The following PTPRH variants were observed in gnomAD, a reference collection of about 807,000 sequenced individuals.
PTPRH encodes protein tyrosine phosphatase receptor type H.
PTPRH carries 113 observed loss-of-function variants against 130.2 expected under a neutral mutation model. The observed-to-expected ratio is 0.87, with a 90% CI of 0.75 to 1.01. The LOEUF (loss-of-function observed/expected upper bound fraction) is 1.01, where lower values mean the gene tolerates loss of function less well. Ranked by LOEUF, PTPRH falls within the 50% of genes least tolerant of loss-of-function variation. The pLI is 0.00. For missense variants in PTPRH, 1,430 were observed against 1,425.0 expected (o/e 1.00, Z -0.06); for synonymous variants, 556 against 577.9 (o/e 0.96, Z 0.54).
Position 55,203,904 on chromosome 19 carries a change from C to G in PTPRH, c.764G>C (p.Arg255Pro), listed in dbSNP as rs199739996. ...CTGDGGRTETRNTTDTRVTVD... is the reference protein window; with the variant it reads ...CTGDGGRTETPNTTDTRVTVD... ...GGTGACTCTGGTGTCTGTTGTGTTT[C>G]GAGTCTCTGTTCTGCCACCATCTCC... The change falls in exon 5 of 20, where the codon CGA becomes CCA. Residue 255 changes from arginine (R) to proline (P), a missense_variant. Coordinates refer to ENST00000376350, the MANE Select transcript of PTPRH (RefSeq NM_002842.5). 6.2e-7 allele frequency: 1 copy of G among 1,614,158 alleles called. No individual in the cohort carries two copies. Among genetic ancestry groups the G allele is most frequent in the Non-Finnish European group, 8.5e-7 (1 of 1,180,034 alleles).
At position 55,202,428 on chromosome 19, in the gene PTPRH, T is replaced by C. The variant is rs12609389; in HGVS notation, c.887-106A>G. 6,074 of 1,507,168 alleles carry C rather than the reference T, an allele frequency of 4.0e-3. 249 individuals are homozygous for C. The East Asian group carries it at 0.099, about 24-fold the overall frequency. The allele number at this position is 1,507,168 out of a possible 1,614,324, so 93.4% of individuals were successfully genotyped here. A position where few individuals can be genotyped will look rare whatever the true frequency, so the allele number is the denominator to read the frequency against. On this transcript the variant is annotated intron_variant, in intron 5 of 19. Coordinates refer to ENST00000376350, the MANE Select transcript of PTPRH (RefSeq NM_002842.5). ...AGCAGGTGGAGGCAGGGAGGCCCAG[T>C]TCTGCACTGTCCAGTGTGGCAGCCA...
chr19:55,200,551 A>G (rs777341866), intron 6 of PTPRH, 49 bp from the exon 7 acceptor site: 2 of 1,588,978 alleles, frequency 1.3e-6, no homozygotes, highest in Non-Finnish European at 1.7e-6. Flanking sequence ...ACAGAACAGA[A>G]CGGGGCAGGA....
intron 7 of PTPRH, among the ~76,000 whole-genome samples, chr19:55,199,495 C>T (rs934191405): frequency 6.6e-6 from 1 of 152,098 alleles, no homozygotes; most frequent in Non-Finnish European, 1.5e-5. Context: ...GTCACAGCTA[C>T]TTGGAAGGCA....
At position 55,191,639 on chromosome 19, in the gene PTPRH, G is replaced by A. The variant is rs201392788; in HGVS notation, c.2336+24C>T. 174 of 1,612,602 alleles carry A rather than the reference G, an allele frequency of 1.1e-4. No individual in the cohort carries two copies. In the African/African-American group the frequency reaches 1.2e-3, roughly 11 times the overall value. On this transcript the variant is annotated intron_variant, in intron 11 of 19. Coordinates refer to ENST00000376350, the MANE Select transcript of PTPRH (RefSeq NM_002842.5). Reference sequence around the variant, plus strand: ...CTTCTCCAGCCCCCACCCTCCAGGCGGTCAGCCCTGTGCTGAGTCTCACCT... The same window carrying A: ...CTTCTCCAGCCCCCACCCTCCAGGCAGTCAGCCCTGTGCTGAGTCTCACCT...
At position 55,197,417 on chromosome 19, in the gene PTPRH, C is replaced by A. The variant is rs766333498; in HGVS notation, c.1691-1G>T. On this transcript the variant is annotated splice_acceptor_variant, in intron 8 of 19. Transcript: ENST00000376350. LOFTEE classifies it high-confidence loss of function. Reference sequence around the variant, plus strand: ...TGGAGATCTGTGACCTCATTGGGAGCTGAGAAGTGAGAACAGAGGCCTAAG... The same window carrying A: ...TGGAGATCTGTGACCTCATTGGGAGATGAGAAGTGAGAACAGAGGCCTAAG... 6.2e-7 allele frequency: 1 copy of A among 1,610,388 alleles called. No individual in the cohort carries two copies. The highest frequency in any genetic ancestry group is 8.5e-7 in the Non-Finnish European group (1 of 1,176,968).
intron 18 of PTPRH, 74 bp from the exon 19 acceptor site, chr19:55,182,225 A>T: frequency 1.3e-6 from 2 of 1,511,726 alleles, no homozygotes; most frequent in East Asian, 2.3e-5. Context: ...GATTGGAGGG[A>T]TCTGTGTTTG....
chr19:55,192,078 T>A (rs1376009064), intron 10 of PTPRH: 1 of 429,020 alleles, frequency 2.3e-6, no homozygotes, highest in Non-Finnish European at 4.6e-6. Context: ...TAGTAACATT[T>A]TTTTCTTTAG....
chr19:55,196,993 T>C, intron 9 of PTPRH, 124 bp downstream of exon 9: 1 of 1,306,798 alleles, frequency 7.7e-7, no homozygotes, highest in Non-Finnish European at 1.1e-6. Flanking sequence ...GGCTCCTCCA[T>C]CACTGCAGCT....
chr19:55,185,529 T>G lies in PTPRH; in HGVS notation c.3035A>C (p.Glu1012Ala), dbSNP rs77222731. The G allele has an allele frequency of 2.4e-4, 384 of 1,614,096 alleles. 1 individual carries two copies. The African/African-American group carries it at 4.7e-3, about 20-fold the overall frequency. The change falls in exon 18 of 20, where the codon GAG (glutamate) becomes GCG (alanine). Residue 1012 changes from glutamate (E) to alanine (A), a missense_variant. Coordinates refer to ENST00000376350, the MANE Select transcript of PTPRH (RefSeq NM_002842.5). Reference sequence around the variant, plus strand: ...GCAGTGCACAATGGGTGGGCCTCCCTCCATGGTCTGATCCAGCCACTGCCG... The same window carrying G: ...GCAGTGCACAATGGGTGGGCCTCCCGCCATGGTCTGATCCAGCCACTGCCG... ...MLRQWLDQTM[E>A]GGPPIVHCSA...
intron 10 of PTPRH, 141 bp from the exon 11 acceptor site, chr19:55,191,882 G>A (rs752572069): frequency 1.7e-5 from 13 of 782,498 alleles, no homozygotes; most frequent in South Asian, 8.4e-5. Context: ...TGTGAATTGC[G>A]TCGGTCCAGT....
At chr19:55,191,069 C>T (rs1375824279) in intron 12 of PTPRH, among the ~76,000 whole-genome samples, 2 of 152,174 alleles carry the variant, frequency 1.3e-5, no homozygotes, top group Non-Finnish European at 2.9e-5. Flanking sequence ...GTCTTGATCT[C>T]CTGACCTTGT....
In PTPRH at chr19:55,197,171, A is replaced by G; in HGVS notation, c.1936T>C (p.Trp646Arg). 1 of 1,614,242 alleles carries G rather than the reference A, an allele frequency of 6.2e-7. No homozygotes were observed. The highest frequency in any genetic ancestry group is 8.5e-7 in the Non-Finnish European group (1 of 1,180,044). The change falls in exon 9 of 20, where the codon TGG (tryptophan) becomes CGG (arginine). Residue 646 changes from tryptophan to arginine, a missense_variant. Coordinates refer to ENST00000376350, the MANE Select transcript of PTPRH (RefSeq NM_002842.5). ...EPGTLYNFTV[W>R]AERNDVASST... ...CTGGCTACGTCATTCCTCTCTGCCC[A>G]CACGGTGAAATTGTACAACGTCCCG...
chr19:55,189,516 G>A (rs2086461270), intron 12 of PTPRH, among the ~76,000 whole-genome samples: 1 of 152,146 alleles, frequency 6.6e-6, no homozygotes, highest in African/African-American at 2.4e-5. Flanking sequence ...GACGCACGAT[G>A]TTCTCTGAAC....
chr19:55,201,005 G>C (rs542868423), intron 6 of PTPRH, among the ~76,000 whole-genome samples: 1 of 151,996 alleles, frequency 6.6e-6, no homozygotes, highest in East Asian at 1.9e-4. Context: ...ATAGCATTAA[G>C]AGGTAGGGCC....
chr19:55,197,124 C>CTCACGCAGA lies in PTPRH; in HGVS notation c.1982_1983insTCTGCGTGA (p.Ala661_Ser662insLeuArgGlu). 3 of 1,613,748 alleles carry CTCACGCAGA rather than the reference C, an allele frequency of 1.9e-6. No homozygotes were observed. In the South Asian group the frequency reaches 3.3e-5, roughly 18 times the overall value. ...CAGGAAGGGGATTCTCACATGTGGA[C>CTCACGCAGA]GCACAGAGGCTCTGCGTGGAACTGG... On this transcript the variant is annotated inframe_insertion, in exon 9 of 20. Coordinates refer to ENST00000376350, the MANE Select transcript of PTPRH (RefSeq NM_002842.5).
At position 55,202,259 on chromosome 19, in the gene PTPRH, C is replaced by T; in HGVS notation, c.950G>A (p.Trp317Ter). 6 of 1,614,234 alleles carry T rather than the reference C, an allele frequency of 3.7e-6. No homozygotes were observed. Among genetic ancestry groups the T allele is most frequent in the Non-Finnish European group, 5.1e-6 (6 of 1,180,052 alleles). The part of the protein sequence containing the change: ...AQTNSSIALT[W>*]EVPDGPDPQN... ...TGGGTCTGGGCCATCGGGGACCTCC[C>T]AGGTCAGGGCGATGGAGCTGTTGGT... The change falls in exon 6 of 20, where the codon TGG becomes TAG. Residue 317 changes from tryptophan (W) to a stop codon, truncating the protein, a stop_gained. Coordinates refer to ENST00000376350, the MANE Select transcript of PTPRH (RefSeq NM_002842.5). LOFTEE classifies it high-confidence loss of function.
Position 55,204,067 on chromosome 19 carries a change from A to G in PTPRH, c.620-19T>C, listed in dbSNP as rs1173227474. 2.5e-6 allele frequency: 4 copies of G among 1,602,758 alleles called. No individual in the cohort carries two copies. The highest frequency in any genetic ancestry group is 3.4e-6 in the Non-Finnish European group (4 of 1,173,184). On this transcript the variant is annotated intron_variant, in intron 4 of 19. Transcript: ENST00000376350. ...TTGTGAGCTGAGAAATTAGGAAGAA[A>G]GATCTAATATGAGCAGGACTACAGA...
Position 55,209,369 on chromosome 19 carries a change from C to A in PTPRH, c.51+14G>T, listed in dbSNP as rs199835511. On this transcript the variant is annotated intron_variant, in intron 1 of 19. Transcript: ENST00000376350. The surrounding 1 kb of genome is among the most constrained non-coding windows in gnomAD (Gnocchi z 4.1). ...CCCTGCCTTGGGAGCCCGCTCTGGG[C>A]GGGGAGCACTTACCAGCAGCACCAG... 1.3e-6 allele frequency: 2 copies of A among 1,559,898 alleles called. No homozygotes were observed. Among genetic ancestry groups the A allele is most frequent in the Admixed American group, 1.9e-5 (1 of 51,812 alleles).
intron 17 of PTPRH, 34 bp from the exon 18 acceptor site, chr19:55,185,696 T>C: frequency 6.2e-7 from 1 of 1,610,070 alleles, no homozygotes; most frequent in African/African-American, 1.3e-5. Flanking sequence ...GCTCTGGAGA[T>C]GAATGTAGGG....
Sources: allele counts gnomAD v4.1 joint callset (sites outside exome capture counted in the v4.1 genomes callset), GRCh38; gene constraint gnomAD v4.1.1; non-coding constraint Gnocchi (gnomAD v3.1); transcripts MANE v1.5; gene names NCBI Gene and HGNC (gene_info 2026-07-23, HGNC 2026-07-21).